MARCHF4: variants seen among roughly 807,000 people sequenced by gnomAD.
The protein encoded by MARCHF4 is membrane associated ring-CH-type finger 4.
In MARCHF4, 14 loss-of-function variants were observed where a neutral mutation model predicts 43.9. The ratio of observed to expected loss-of-function variants is 0.32; its 90% CI spans 0.21 to 0.50. The LOEUF is 0.50. MARCHF4 is among the 20% of genes least tolerant of loss of function. MARCHF4 has a pLI of 0.98. For synonymous variants in MARCHF4, 226 were observed against 213.3 expected, an observed-to-expected ratio of 1.06 and a Z score of -0.52; for missense variants, 468 against 536.7, an observed-to-expected ratio of 0.87 and a Z score of 1.27.
At chr2:216,262,034 A>G (rs1026744543) in intron 3 of MARCHF4, among the ~76,000 whole-genome samples, 6 of 152,232 alleles carry the variant, frequency 3.9e-5, no homozygotes, top group African/African-American at 1.4e-4. Flanking sequence ...AGGGAGAATG[A>G]TAGAAATGAC....
chr2:216,317,870 C>A (rs1477482411), intron 1 of MARCHF4, among the ~76,000 whole-genome samples: 1 of 152,192 alleles, frequency 6.6e-6, no homozygotes, highest in Non-Finnish European at 1.5e-5. Context: ...AATTCCAGGA[C>A]AGTTTGTGCT....
At chr2:216,312,387 T>G (rs761409149) in intron 1 of MARCHF4, among the ~76,000 whole-genome samples, 2 of 152,250 alleles carry the variant, frequency 1.3e-5, no homozygotes, top group Non-Finnish European at 2.9e-5. Flanking sequence ...GTTCTATGAC[T>G]CTGACATTGT....
rs186365934 is a variant in MARCHF4 at position 216,304,509 on chromosome 2, A to T, written c.517-20780T>A. Among the ~76,000 whole-genome samples, 683 of 152,236 alleles carry T rather than the reference A, an allele frequency of 4.5e-3. 4 individuals are homozygous for T. The highest frequency in any genetic ancestry group is 0.016 in the African/African-American group (645 of 41,538). ...ATTGAATGGTTTCCCTCAGGCCAAAATTTCTCCTAAGGTTGATCACCTCTT... is the reference window on the plus strand; with the variant it reads ...ATTGAATGGTTTCCCTCAGGCCAAATTTTCTCCTAAGGTTGATCACCTCTT... On this transcript the variant is annotated intron_variant, in intron 1 of 3. Transcript: ENST00000273067.
At position 216,369,754 on chromosome 2, in the gene MARCHF4, C is replaced by G. The variant is rs762740615; in HGVS notation, c.507G>C (p.Gly169=). 2 of 1,590,414 alleles carry G rather than the reference C, an allele frequency of 1.3e-6. No individual in the cohort carries two copies. Among genetic ancestry groups the G allele is most frequent in the Non-Finnish European group, 1.7e-6 (2 of 1,164,538 alleles). ...AGAAAAGGGGACTCACCTGTTCTGG[C>G]CCCTGGAAGCAGATGCGGCAGAGTG... The part of the protein sequence containing the change: ...RTPLCRICFQ[G]PEQGELLSPC... The change falls in exon 1 of 4, where the codon GGG becomes GGC. Residue 169 remains glycine (G), a synonymous_variant. Transcript: ENST00000273067.
In MARCHF4 at chr2:216,277,790, G is replaced by A. The variant is rs747551796; in HGVS notation, c.747C>T (p.Ile249=). The stretch of plus-strand genomic sequence containing the variant: ...ACCAGATGAGCCAAGAAATACTGGC[G>A]ATGAGGAAGAGGGAGCCCAGGATGG... ...AAAILGSLFL[I]ASISWLIWST... The change falls in exon 3 of 4, where the codon ATC becomes ATT. Residue 249 remains isoleucine, a synonymous_variant. Coordinates refer to ENST00000273067, the MANE Select transcript of MARCHF4 (RefSeq NM_020814.3). The A allele has an allele frequency of 1.2e-5, 19 of 1,614,098 alleles. No homozygotes were observed. The highest frequency in any genetic ancestry group is 8.9e-5 in the East Asian group (4 of 44,898).
chr2:216,369,889 T>A lies in MARCHF4; in HGVS notation c.372A>T (p.Thr124=), dbSNP rs765577667. The change falls in exon 1 of 4, where the codon ACA becomes ACT. Residue 124 remains threonine, a synonymous_variant. Coordinates refer to ENST00000273067, the MANE Select transcript of MARCHF4 (RefSeq NM_020814.3). ...SVEDDWGGPA[T]EPPASLLSSA... is the part of the protein sequence containing the mutation. ...TGCTGAGCAGCGAGGCAGGTGGCTC[T>A]GTGGCTGGGCCACCCCAGTCATCTT... The A allele has an allele frequency of 1.9e-6, 3 of 1,613,822 alleles. No individual in the cohort carries two copies. Among genetic ancestry groups the A allele is most frequent in the Non-Finnish European group, 8.5e-7 (1 of 1,179,952 alleles).
chr2:216,287,783 TATAATA>T (rs1046786850), intron 1 of MARCHF4, among the ~76,000 whole-genome samples: 18 of 150,456 alleles, frequency 1.2e-4, no homozygotes, highest in Admixed American at 9.9e-4. Flanking sequence ...AAACTTAAAG[TATAATA>T]ATAATAAAAT....
intron 1 of MARCHF4, among the ~76,000 whole-genome samples, chr2:216,369,508 A>G (rs1692718700): frequency 6.6e-6 from 1 of 152,242 alleles, no homozygotes. Flanking sequence ...AATTGGAGAC[A>G]CTAGCATTGG....
chr2:216,272,117 G>A (rs542334881), intron 3 of MARCHF4, among the ~76,000 whole-genome samples: 4 of 152,140 alleles, frequency 2.6e-5, no homozygotes, highest in Non-Finnish European at 5.9e-5. Context: ...GCCTCCCAAA[G>A]TGCCAAGATT....
intron 1 of MARCHF4, among the ~76,000 whole-genome samples, chr2:216,288,674 C>T (rs927376493): frequency 2.0e-5 from 3 of 151,926 alleles, no homozygotes; most frequent in Non-Finnish European, 4.4e-5. Context: ...TAAGTGGGGT[C>T]GTGCTAGAGG....
intron 1 of MARCHF4, among the ~76,000 whole-genome samples, chr2:216,325,498 G>T (rs1460711434): frequency 6.6e-6 from 1 of 151,904 alleles, no homozygotes; most frequent in Non-Finnish European, 1.5e-5. Context: ...AAAAGAGCCC[G>T]CATTGCCAAG....
At chr2:216,327,224 G>C (rs1280503063) in intron 1 of MARCHF4, among the ~76,000 whole-genome samples, 1 of 151,784 alleles carries the variant, frequency 6.6e-6, no homozygotes, top group East Asian at 1.9e-4. Context: ...AATACATTTT[G>C]ACAAATCCAT....
At chr2:216,319,924 C>G (rs1301204640) in intron 1 of MARCHF4, among the ~76,000 whole-genome samples, 1 of 152,172 alleles carries the variant, frequency 6.6e-6, no homozygotes, top group Admixed American at 6.5e-5. Context: ...ATCTAGAAAG[C>G]CACATTCCTC....
chr2:216,272,430 G>A (rs1690954121), intron 3 of MARCHF4, among the ~76,000 whole-genome samples: 1 of 152,150 alleles, frequency 6.6e-6, no homozygotes, highest in Non-Finnish European at 1.5e-5. Flanking sequence ...GTTATCATGA[G>A]GGTCAAAATA....
intron 2 of MARCHF4, among the ~76,000 whole-genome samples, chr2:216,280,398 A>G (rs902425810): frequency 6.6e-6 from 1 of 152,202 alleles, no homozygotes; most frequent in Non-Finnish European, 1.5e-5. Flanking sequence ...CTGAGGGATC[A>G]GATGACCCGA....
In MARCHF4 at chr2:216,319,256, C is replaced by T. The variant is rs74700397; in HGVS notation, c.517-35527G>A. Among the ~76,000 whole-genome samples, 837 of 152,110 alleles carry T rather than the reference C, an allele frequency of 5.5e-3. 6 individuals are homozygous for T. The highest frequency in any genetic ancestry group is 0.019 in the African/African-American group (790 of 41,476). On this transcript the variant is annotated intron_variant, in intron 1 of 3. Coordinates refer to ENST00000273067, the MANE Select transcript of MARCHF4 (RefSeq NM_020814.3). ...CCAAGAAGCAGAGATTGCAGTGAGC[C>T]GAAATCGTGCCACTGCATTCCAGCC...
intron 3 of MARCHF4, among the ~76,000 whole-genome samples, chr2:216,263,445 GAGAGAGAGAGAGAGAAAGAA>G (rs1690776169): frequency 7.0e-6 from 1 of 143,552 alleles, no homozygotes; most frequent in African/African-American, 2.6e-5. Flanking sequence ...AAGAGAGAGA[GAGAGAGAGAGAGAGAAAGAA>G]AGAGAAAGAG....
chr2:216,361,989 C>T (rs1692590091), intron 1 of MARCHF4, among the ~76,000 whole-genome samples: 1 of 152,064 alleles, frequency 6.6e-6, no homozygotes, highest in African/African-American at 2.4e-5. Context: ...GTTTTATAAA[C>T]AATAAAATCT....
chr2:216,266,860 G>A (rs371167530), intron 3 of MARCHF4, among the ~76,000 whole-genome samples: 40 of 152,320 alleles, frequency 2.6e-4, no homozygotes, highest in African/African-American at 9.4e-4. Flanking sequence ...GTATTCTCCA[G>A]GGTGCAGCTT....
Sources: gnomAD v4.1 joint callset for allele counts (sites outside exome capture counted in the v4.1 genomes callset) on GRCh38, gnomAD v4.1.1 for gene constraint, MANE v1.5 for transcripts, NCBI Gene and HGNC (gene_info 2026-07-23, HGNC 2026-07-21) for gene names.